The following REPS2 variants were observed in gnomAD, a reference collection of about 807,000 sequenced individuals.
REPS2 encodes the protein ralBP1-associated Eps domain-containing protein 2.
REPS2 carries 23 observed loss-of-function variants against 53.6 expected under a neutral mutation model. The ratio of observed to expected loss-of-function variants is 0.43; its 90% CI spans 0.31 to 0.61. The LOEUF is 0.61. Among genes scored for constraint, REPS2 ranks in the 20% least tolerant of loss-of-function variants. The pLI is 0.11. For synonymous variants in REPS2, 238 were observed against 218.6 expected, an observed-to-expected ratio of 1.09 and a Z score of -0.78; for missense variants, 446 against 534.9, an observed-to-expected ratio of 0.83 and a Z score of 1.64.
At chrX:17,082,363 G>A (rs993520567) in intron 13 of REPS2, among the ~76,000 whole-genome samples, 4 of 112,666 alleles carry the variant, frequency 3.6e-5, no homozygotes, top group African/African-American at 1.3e-4. Context: ...GTAGTCCTTG[G>A]CAGGGCAGCC....
the REPS2 span, among the ~76,000 whole-genome samples, chrX:17,195,470 TA>T: frequency 1.8e-3 from 197 of 112,323 alleles, no homozygotes; most frequent in Non-Finnish European, 2.2e-3. Flanking sequence ...CAGTTGGGGA[TA>T]AAAATCATTT....
intron 13 of REPS2, among the ~76,000 whole-genome samples, chrX:17,079,052 T>A (rs1335063155): frequency 8.9e-6 from 1 of 112,460 alleles, no homozygotes; most frequent in Non-Finnish European, 1.9e-5. Flanking sequence ...GATTTTGGAA[T>A]ATTTGCATTA....
chrX:17,173,749 A>G, the REPS2 span, among the ~76,000 whole-genome samples: 3 of 112,386 alleles, frequency 2.7e-5, no homozygotes, highest in South Asian at 1.1e-3. Flanking sequence ...GTCATTTTAA[A>G]TAAAACTGCA....
At chrX:17,022,016 CTG>C in intron 2 of REPS2, 105 bp from the exon 3 acceptor site, 1 of 692,361 alleles carries the variant, frequency 1.4e-6, no homozygotes, top group Non-Finnish European at 2.2e-6. Context: ...ATTTAGTGCT[CTG>C]GAATTTTTCC....
At chrX:17,061,538 A>G (rs1271868592) in intron 8 of REPS2, among the ~76,000 whole-genome samples, 6 of 112,808 alleles carry the variant, frequency 5.3e-5, no homozygotes. Context: ...TCCACTTTTC[A>G]CATTTGATTC....
chrX:16,972,453 A>C (rs1382651633), intron 1 of REPS2, among the ~76,000 whole-genome samples: 1 of 112,152 alleles, frequency 8.9e-6, no homozygotes, highest in East Asian at 2.8e-4. Context: ...CTACTGCATC[A>C]TATCTTATTT....
At chrX:17,076,090 A>G (rs2062377365) in intron 12 of REPS2, among the ~76,000 whole-genome samples, 1 of 112,219 alleles carries the variant, frequency 8.9e-6, no homozygotes, top group African/African-American at 3.2e-5. Flanking sequence ...ACCTTGTAAG[A>G]CAGACAGAAC....
the REPS2 span, among the ~76,000 whole-genome samples, chrX:17,183,453 G>A: frequency 1.1e-4 from 12 of 112,285 alleles, no homozygotes; most frequent in Non-Finnish European, 2.3e-4. Flanking sequence ...GAAGAGTAAA[G>A]CAATACCAGT....
At chrX:16,987,567 A>G (rs747628842) in intron 1 of REPS2, among the ~76,000 whole-genome samples, 24 of 112,208 alleles carry the variant, frequency 2.1e-4, no homozygotes, top group Non-Finnish European at 3.8e-4. Context: ...TTATGCAGGC[A>G]TTGTTTATTT....
chrX:17,125,876 C>T (rs2063202707), intron 14 of REPS2, among the ~76,000 whole-genome samples: 1 of 111,666 alleles, frequency 9.0e-6, no homozygotes, highest in East Asian at 2.8e-4. Flanking sequence ...CAGTGGTGTG[C>T]AGGGTGGATC....
chrX:17,019,822 A>G (rs892965344), intron 2 of REPS2, among the ~76,000 whole-genome samples: 7 of 112,012 alleles, frequency 6.2e-5, no homozygotes, highest in Non-Finnish European at 1.3e-4. Flanking sequence ...CCTTGTCTCA[A>G]AAAAACAAAA....
intron 14 of REPS2, among the ~76,000 whole-genome samples, chrX:17,111,837 T>C (rs1440838821): frequency 8.9e-6 from 1 of 112,156 alleles, no homozygotes; most frequent in Non-Finnish European, 1.9e-5. Flanking sequence ...TTGTATTCTC[T>C]GTTCAAGAAT....
At position 17,135,393 on chromosome X, in the gene REPS2, C is replaced by T. The variant is rs1451183067; in HGVS notation, c.1795C>T (p.Pro599Ser). Residue 599 changes from proline to serine, a missense_variant, in exon 16 of 18, where the codon CCA becomes TCA. Physicochemically the swap from Pro to Ser is moderately conservative, Grantham distance 74. Transcript: ENST00000357277. ...TTCTGCGGCAACCATGAAACCGCAT[C>T]CAACAGTCCAAAAGTAAGTAGACCA... is the stretch of plus-strand genomic sequence containing the variant. Reference protein sequence around the residue: ...PASAATMKPHPTVQKQSSKQK... With the variant: ...PASAATMKPHSTVQKQSSKQK... 8.3e-7 allele frequency: 1 copy of T among 1,208,683 alleles called. No individual in the cohort carries two copies. Among genetic ancestry groups the T allele is most frequent in the South Asian group, 1.8e-5 (1 of 56,127 alleles).
At chrX:17,079,937 C>A (rs760124335) in intron 13 of REPS2, among the ~76,000 whole-genome samples, 4 of 112,012 alleles carry the variant, frequency 3.6e-5, no homozygotes, top group South Asian at 3.7e-4. Context: ...GAAATGCTGA[C>A]AAACTAGAAA....
chrX:16,970,141 C>A (rs1333436838), intron 1 of REPS2, among the ~76,000 whole-genome samples: 1 of 109,804 alleles, frequency 9.1e-6, no homozygotes, highest in African/African-American at 3.3e-5. Context: ...CTGGAACATT[C>A]TTGCAATTAT....
At chrX:17,015,248 AT>A (rs1297432503) in intron 2 of REPS2, among the ~76,000 whole-genome samples, 1 of 112,736 alleles carries the variant, frequency 8.9e-6, no homozygotes, top group Non-Finnish European at 1.9e-5. Flanking sequence ...GAGAAACTGA[AT>A]TTTTCATTAA....
chrX:17,020,833 G>A (rs772503442), intron 2 of REPS2, among the ~76,000 whole-genome samples: 2 of 110,821 alleles, frequency 1.8e-5, no homozygotes, highest in East Asian at 5.6e-4. Context: ...GTTTTACCAT[G>A]TTGGCCAGGT....
At chrX:17,086,574 C>T (rs1304698606) in intron 13 of REPS2, among the ~76,000 whole-genome samples, 1 of 112,318 alleles carries the variant, frequency 8.9e-6, no homozygotes, top group Non-Finnish European at 1.9e-5. Context: ...AGTTGGCTCT[C>T]ACAAGCTGGC....
chrX:16,975,916 A>T (rs190491689), intron 1 of REPS2, among the ~76,000 whole-genome samples: 12 of 112,423 alleles, frequency 1.1e-4, no homozygotes, highest in African/African-American at 3.9e-4. Flanking sequence ...TCTTTAAAAA[A>T]TTTAATTTAA....
Sources: allele counts gnomAD v4.1 joint callset (sites outside exome capture counted in the v4.1 genomes callset), GRCh38; gene constraint gnomAD v4.1.1; transcripts MANE v1.5; gene names NCBI Gene and HGNC (gene_info 2026-07-23, HGNC 2026-07-21).